The following SPTBN1 variants were observed in gnomAD, a reference collection of about 807,000 sequenced individuals.
SPTBN1 encodes the protein spectrin beta chain, non-erythrocytic 1.
Under a neutral mutation model 266.4 loss-of-function variants are expected in SPTBN1, and 32 were observed. The ratio of observed to expected loss-of-function variants is 0.12; its 90% CI spans 0.09 to 0.16. The LOEUF (loss-of-function observed/expected upper bound fraction) is 0.16, where lower values mean the gene tolerates loss of function less well. Among genes scored for constraint, SPTBN1 ranks in the 10% least tolerant of loss-of-function variants. The pLI is 1.00. For synonymous variants in SPTBN1, 1,336 were observed against 1,162.2 expected (o/e 1.15, Z -3.04); for missense variants, 2,296 against 3,067.1 (o/e 0.75, Z 5.94).
chr2:54,555,650 C>T (rs368092319), intron 2 of SPTBN1, among the ~76,000 whole-genome samples: 19 of 152,198 alleles, frequency 1.2e-4, no homozygotes, highest in African/African-American at 4.3e-4. Context: ...TCCCCTGGCT[C>T]AAAAGTCTCC....
chr2:54,624,784 G>T lies in SPTBN1; in HGVS notation c.1183-20G>T, dbSNP rs772434216. ...TGCAGGAAACTGTGTTTGTGTGTGT[G>T]TGTATTTTCATTTTTGTAGGCCTGG... On this transcript the variant is annotated intron_variant, in intron 10 of 35. Coordinates refer to ENST00000356805, the MANE Select transcript of SPTBN1 (RefSeq NM_003128.3). The T allele has an allele frequency of 6.2e-7, 1 of 1,613,968 alleles. No homozygotes were observed.
chr2:54,637,556 T>TA (rs765480493), intron 17 of SPTBN1, among the ~76,000 whole-genome samples, 157 bp from the exon 18 acceptor site: 2 of 152,248 alleles, frequency 1.3e-5, no homozygotes, highest in Non-Finnish European at 2.9e-5. Flanking sequence ...TGGAGGATGC[T>TA]AAAATCTCTT....
intron 17 of SPTBN1, among the ~76,000 whole-genome samples, chr2:54,636,741 C>G (rs908723113): frequency 6.6e-6 from 1 of 152,198 alleles, no homozygotes; most frequent in Non-Finnish European, 1.5e-5. Context: ...GAATGAAAAC[C>G]CAGCTCTCCT....
At chr2:54,560,218 A>G (rs1384725801) in intron 2 of SPTBN1, among the ~76,000 whole-genome samples, 1 of 150,468 alleles carries the variant, frequency 6.6e-6, no homozygotes, top group Non-Finnish European at 1.5e-5. Context: ...TAGGTTTGTT[A>G]GGGGCCTCAC....
rs376470847 is a variant in SPTBN1 at position 54,645,289 on chromosome 2, C to G, written c.4330C>G (p.Gln1444Glu). 21 of 1,614,068 alleles carry G rather than the reference C, an allele frequency of 1.3e-5. No individual in the cohort carries two copies. The highest frequency in any genetic ancestry group is 1.7e-5 in the Non-Finnish European group (20 of 1,180,032). ...KEIEELQSQA[Q>E]ALSQEGKSTD... Reference sequence around the variant, plus strand: ...GATCGAAGAGCTCCAAAGCCAAGCCCAGGCCCTGAGTCAGGAAGGGAAGAG... The same window carrying G: ...GATCGAAGAGCTCCAAAGCCAAGCCGAGGCCCTGAGTCAGGAAGGGAAGAG... The change falls in exon 21 of 36, where the codon CAG (glutamine) becomes GAG (glutamate). Residue 1444 changes from glutamine (Q) to glutamate (E), a missense_variant. Coordinates refer to ENST00000356805, the MANE Select transcript of SPTBN1 (RefSeq NM_003128.3). This position sits in a 1 kb window ranked among gnomAD's most constrained non-coding sequence, Gnocchi z 4.3.
intron 2 of SPTBN1, among the ~76,000 whole-genome samples, chr2:54,569,133 A>G (rs1558850880): frequency 1.3e-5 from 2 of 152,184 alleles, no homozygotes; most frequent in Non-Finnish European, 2.9e-5. Context: ...ACACCTGCTG[A>G]AACTTGTTGG....
At chr2:54,546,890 T>TC (rs139907517) in intron 2 of SPTBN1, among the ~76,000 whole-genome samples, 22,641 of 151,764 alleles carry the variant, frequency 0.15, 1,773 homozygotes, top group Middle Eastern at 0.21. Context: ...TGCTGTTTCT[T>TC]CCCCTGCCCA....
intron 2 of SPTBN1, among the ~76,000 whole-genome samples, chr2:54,556,882 G>A (rs1672913036): frequency 6.6e-6 from 1 of 152,176 alleles, no homozygotes; most frequent in African/African-American, 2.4e-5. Flanking sequence ...AAGGTCATAG[G>A]GTAATTAAGA....
chr2:54,563,870 G>A (rs1408519324), intron 2 of SPTBN1, among the ~76,000 whole-genome samples: 1 of 152,080 alleles, frequency 6.6e-6, no homozygotes, highest in Non-Finnish European at 1.5e-5. Flanking sequence ...CCCAAGTGCT[G>A]ACCACACCCG....
chr2:54,577,748 T>C (rs762936670), intron 2 of SPTBN1, among the ~76,000 whole-genome samples: 7 of 152,218 alleles, frequency 4.6e-5, no homozygotes, highest in Non-Finnish European at 7.3e-5. Context: ...ACCCACGCAG[T>C]GCGCTTTGGG....
rs554790663 is a variant in SPTBN1, at chr2:54,529,373, C to T, written c.148+2807C>T. 1.3e-4 allele frequency: 86 copies of T among 652,486 alleles called. 2 individuals carry two copies. Among genetic ancestry groups the T allele is most frequent in the South Asian group, 1.2e-3 (85 of 69,548 alleles). The allele number at this position is 652,486 out of a possible 1,614,324, so 40.4% of individuals were successfully genotyped here. A position where few individuals can be genotyped will look rare whatever the true frequency, so the allele number is the denominator to read the frequency against. Reference sequence around the variant, plus strand: ...GGCACCGAAAGTGAAGAAGGAAGCTCCTGGCCCGCCTAAAGCTGAAGCCAA... The same window carrying T: ...GGCACCGAAAGTGAAGAAGGAAGCTTCTGGCCCGCCTAAAGCTGAAGCCAA... On this transcript the variant is annotated intron_variant, in intron 2 of 35. Coordinates refer to ENST00000356805, the MANE Select transcript of SPTBN1 (RefSeq NM_003128.3).
intron 3 of SPTBN1, among the ~76,000 whole-genome samples, chr2:54,602,607 C>G (rs74428840): frequency 7.0e-4 from 106 of 152,274 alleles, no homozygotes; most frequent in Non-Finnish European, 1.1e-3. Flanking sequence ...CTGCCCTCCC[C>G]CAAACCCCAC....
rs964264431 is a variant in SPTBN1, at chr2:54,626,975, T to C, written c.1644+741T>C. ...TGGAATGCTCAGCCATGCCAAGCAG[T>C]TCTCCAGCTGGGAGGCCTTTAGCCT... On this transcript the variant is annotated intron_variant, in intron 12 of 35. Transcript: ENST00000356805. The surrounding 1 kb of genome is among the most constrained non-coding windows in gnomAD (Gnocchi z 4.7). Among the ~76,000 whole-genome samples, 2 of 152,134 alleles carry C rather than the reference T, an allele frequency of 1.3e-5. No individual in the cohort carries two copies. The highest frequency in any genetic ancestry group is 4.8e-5 in the African/African-American group (2 of 41,446).
chr2:54,644,675 G>T, intron 20 of SPTBN1, 89 bp downstream of exon 20: 1 of 1,492,506 alleles, frequency 6.7e-7, no homozygotes, highest in Non-Finnish European at 9.0e-7. Context: ...GCATTATCAG[G>T]AGTCCACCTT....
At chr2:54,570,827 AAAGTTTACCGTGT>A (rs1468380638) in intron 2 of SPTBN1, among the ~76,000 whole-genome samples, 1 of 152,142 alleles carries the variant, frequency 6.6e-6, no homozygotes, top group African/African-American at 2.4e-5. Context: ...GGCCTGCTTT[AAAGTTTACCGTGT>A]CTTTGAAAGT....
At chr2:54,660,297 G>T in intron 32 of SPTBN1, 2 of 1,304,326 alleles carry the variant, frequency 1.5e-6, no homozygotes, top group Non-Finnish European at 1.9e-6. Flanking sequence ...TTTATTTATT[G>T]TGAGCTTTTT....
intron 1 of SPTBN1, among the ~76,000 whole-genome samples, chr2:54,473,195 C>T (rs1161426824): frequency 5.3e-5 from 8 of 152,070 alleles, no homozygotes; most frequent in Non-Finnish European, 4.4e-5. Flanking sequence ...TATGTAAGTG[C>T]CTTATACAGA....
chr2:54,566,735 G>A (rs781426436), intron 2 of SPTBN1, among the ~76,000 whole-genome samples: 1 of 152,020 alleles, frequency 6.6e-6, no homozygotes, highest in African/African-American at 2.4e-5. Context: ...GGAGGCTGAG[G>A]CATGAGAATT....
At chr2:54,624,598 C>T (rs531977487) in intron 10 of SPTBN1, among the ~76,000 whole-genome samples, 4 of 152,200 alleles carry the variant, frequency 2.6e-5, no homozygotes, top group Admixed American at 1.3e-4. Context: ...ATTTAGATGA[C>T]GGAAGAGTGT....
Sources: gnomAD v4.1 joint callset for allele counts (sites outside exome capture counted in the v4.1 genomes callset) on GRCh38, gnomAD v4.1.1 for gene constraint, Gnocchi (gnomAD v3.1) non-coding constraint, MANE v1.5 for transcripts, NCBI Gene and HGNC (gene_info 2026-07-23, HGNC 2026-07-21) for gene names.